MARCHF1: variants seen among roughly 807,000 people sequenced by gnomAD.
MARCHF1 encodes the protein E3 ubiquitin-protein ligase MARCHF1.
A neutral mutation model predicts 54.2 loss-of-function variants in MARCHF1; 40 were observed. That is an observed-to-expected ratio of 0.74 (90% CI 0.57 to 0.96). MARCHF1 has a LOEUF of 0.96. Ranked by LOEUF, MARCHF1 falls within the 40% of genes least tolerant of loss-of-function variation. MARCHF1 has a pLI of 0.00. For missense variants in MARCHF1, 586 were observed against 656.5 expected, an observed-to-expected ratio of 0.89 and a Z score of 1.17; for synonymous variants, 236 against 236.3, an observed-to-expected ratio of 1.00 and a Z score of 0.01.
At chr4:163,757,927 T>C (rs1319835927) in intron 4 of MARCHF1, among the ~76,000 whole-genome samples, 2 of 152,190 alleles carry the variant, frequency 1.3e-5, no homozygotes, top group African/African-American at 4.8e-5. Context: ...GTCAAAATGA[T>C]ATTTCAGAGT....
chr4:163,934,136 A>G (rs1171755310), intron 3 of MARCHF1, among the ~76,000 whole-genome samples: 3 of 152,182 alleles, frequency 2.0e-5, no homozygotes, highest in Middle Eastern at 3.2e-3. Flanking sequence ...TTTGTCTAGT[A>G]TTGTTATTTA....
intron 3 of MARCHF1, among the ~76,000 whole-genome samples, chr4:163,929,658 A>G (rs1751613009): frequency 6.6e-6 from 1 of 151,512 alleles, no homozygotes; most frequent in African/African-American, 2.4e-5. Context: ...AAATGTAGGT[A>G]AATTGTATGA....
chr4:164,209,133 C>T (rs1052371403), intron 1 of MARCHF1, among the ~76,000 whole-genome samples: 1 of 151,778 alleles, frequency 6.6e-6, no homozygotes, highest in South Asian at 2.1e-4. Flanking sequence ...TTTGCATTAA[C>T]ATTAGTTAAA....
At chr4:164,115,681 T>C (rs1755925254) in intron 1 of MARCHF1, among the ~76,000 whole-genome samples, 1 of 152,078 alleles carries the variant, frequency 6.6e-6, no homozygotes, top group Non-Finnish European at 1.5e-5. Flanking sequence ...ATACAGCTTA[T>C]GGTGTAAGTT....
chr4:163,948,611 C>T (rs757677963), intron 3 of MARCHF1, among the ~76,000 whole-genome samples: 5 of 152,050 alleles, frequency 3.3e-5, no homozygotes, highest in Non-Finnish European at 5.9e-5. Flanking sequence ...ATGAGCTGGG[C>T]TTATAATTAT....
intron 5 of MARCHF1, among the ~76,000 whole-genome samples, chr4:163,693,209 C>T (rs1435782053): frequency 2.0e-5 from 3 of 151,332 alleles, no homozygotes; most frequent in Non-Finnish European, 2.9e-5. Flanking sequence ...ATAAAACGAA[C>T]GTATCTTCAG....
chr4:163,542,841 C>CT (rs1187873716), intron 9 of MARCHF1, among the ~76,000 whole-genome samples: 1 of 152,208 alleles, frequency 6.6e-6, no homozygotes, highest in Non-Finnish European at 1.5e-5. Context: ...AACGATCCTA[C>CT]TTCAGGGAGC....
At chr4:163,994,257 A>AGT (rs769035806) in intron 2 of MARCHF1, among the ~76,000 whole-genome samples, 10,259 of 136,966 alleles carry the variant, frequency 0.075, 388 homozygotes, top group South Asian at 0.13. Context: ...ATAGAGAAAA[A>AGT]GTGTGTGTGT....
chr4:164,057,219 T>C (rs7670078), intron 2 of MARCHF1, among the ~76,000 whole-genome samples: 103,749 of 152,056 alleles, frequency 0.68, 36,516 homozygotes, highest in Non-Finnish European at 0.78. Context: ...TTTATAATAA[T>C]CATAACAAAT....
At chr4:163,930,876 G>C (rs1000530101) in intron 3 of MARCHF1, among the ~76,000 whole-genome samples, 11 of 152,084 alleles carry the variant, frequency 7.2e-5, no homozygotes, top group Non-Finnish European at 1.6e-4. Context: ...ATGAAATAGG[G>C]ATGTAACATA....
At chr4:164,106,114 C>A (rs916263518) in intron 2 of MARCHF1, among the ~76,000 whole-genome samples, 1 of 151,128 alleles carries the variant, frequency 6.6e-6, no homozygotes, top group African/African-American at 2.5e-5. Flanking sequence ...AGTCAGGAAA[C>A]AACAGGTGCT....
At chr4:163,833,039 T>C (rs1449393933) in intron 4 of MARCHF1, among the ~76,000 whole-genome samples, 1,807 of 151,532 alleles carry the variant, frequency 0.012, 28 homozygotes, top group African/African-American at 0.039. Context: ...TGAATAGTGC[T>C]GCAATAAACA....
At chr4:164,243,666 T>C (rs1022772795) in intron 1 of MARCHF1, among the ~76,000 whole-genome samples, 13 of 142,372 alleles carry the variant, frequency 9.1e-5, no homozygotes, top group Admixed American at 2.4e-4. Flanking sequence ...GACTGGCAAA[T>C]TGGATAAAGA....
intron 1 of MARCHF1, among the ~76,000 whole-genome samples, chr4:164,260,263 G>C (rs550777058): frequency 2.0e-5 from 3 of 152,078 alleles, no homozygotes; most frequent in East Asian, 3.9e-4. Context: ...CAAAACCCCA[G>C]GTATTTTTAA....
At chr4:164,262,306 G>T (rs750053909) in intron 1 of MARCHF1, among the ~76,000 whole-genome samples, 72 of 151,892 alleles carry the variant, frequency 4.7e-4, no homozygotes, top group Non-Finnish European at 9.1e-4. Flanking sequence ...TAATAAACAG[G>T]GATGCTTCTC....
chr4:164,176,857 C>A (rs1270394798), intron 1 of MARCHF1, among the ~76,000 whole-genome samples: 1 of 150,260 alleles, frequency 6.7e-6, no homozygotes, highest in Admixed American at 6.6e-5. Context: ...AACCATCAGG[C>A]CTTCTGATTC....
intron 4 of MARCHF1, among the ~76,000 whole-genome samples, chr4:163,750,398 C>T (rs2110776108): frequency 6.6e-6 from 1 of 151,712 alleles, no homozygotes; most frequent in Non-Finnish European, 1.5e-5. Context: ...GTAGTCCCAG[C>T]TACTCAGGAG....
chr4:164,285,819 TA>T (rs78385104), intron 1 of MARCHF1, among the ~76,000 whole-genome samples: 3,084 of 95,802 alleles, frequency 0.032, 125 homozygotes, highest in East Asian at 0.26. Context: ...TGTAGTTCTT[TA>T]AAAAAAAAAA....
intron 1 of MARCHF1, among the ~76,000 whole-genome samples, chr4:164,266,163 A>ATCTGG (rs1294030132): frequency 6.6e-6 from 1 of 152,160 alleles, no homozygotes; most frequent in Non-Finnish European, 1.5e-5. Context: ...CATGAACACT[A>ATCTGG]TCTGGTATGT....
Sources: allele counts gnomAD v4.1 joint callset (sites outside exome capture counted in the v4.1 genomes callset), GRCh38; gene constraint gnomAD v4.1.1; transcripts MANE v1.5; gene names NCBI Gene and HGNC (gene_info 2026-07-23, HGNC 2026-07-21).